Variants in C2CD2 observed in about 807,000 individuals in gnomAD.
C2CD2 encodes the protein C2 domain-containing protein 2.
In C2CD2, 43 loss-of-function variants were observed where a neutral mutation model predicts 74.3. That is an observed-to-expected ratio of 0.58 (90% confidence interval 0.45 to 0.75). The LOEUF (loss-of-function observed/expected upper bound fraction) is 0.75. Ranked by LOEUF, C2CD2 falls within the 30% of genes least tolerant of loss-of-function variation. C2CD2 has a pLI of 0.00. For missense variants in C2CD2, 801 were observed against 916.3 expected (o/e 0.87, Z 1.63); for synonymous variants, 422 against 390.7 (o/e 1.08, Z -0.94).
intron 10 of C2CD2, among the ~76,000 whole-genome samples, chr21:41,906,510 CA>C (rs2064963744): frequency 6.6e-6 from 1 of 152,180 alleles, no homozygotes. Flanking sequence ...GGACTCCACG[CA>C]CGTGCCACCA....
chr21:41,935,125 C>G (rs565107209), intron 2 of C2CD2, among the ~76,000 whole-genome samples: 82 of 152,140 alleles, frequency 5.4e-4, no homozygotes, highest in Non-Finnish European at 6.2e-4. Context: ...CTCCTGACCT[C>G]GTGATCCACC....
chr21:41,900,025 G>A (rs1430880314), intron 12 of C2CD2, among the ~76,000 whole-genome samples: 1 of 152,020 alleles, frequency 6.6e-6, no homozygotes, highest in Non-Finnish European at 1.5e-5. Context: ...GTTTGCTTAG[G>A]GACAACTGTG....
At position 41,926,508 on chromosome 21, in the gene C2CD2, G is replaced by A. The variant is rs910083873; in HGVS notation, c.379-4423C>T. 21 of 684,568 alleles carry A rather than the reference G, an allele frequency of 3.1e-5. No individual in the cohort carries two copies. Among genetic ancestry groups the A allele is most frequent in the Non-Finnish European group, 3.4e-5 (19 of 555,204 alleles). The allele number at this position is 684,568 out of a possible 1,614,324, so 42.4% of individuals were successfully genotyped here. A position where few individuals can be genotyped will look rare whatever the true frequency, so the allele number is the denominator to read the frequency against. ...GCTGAAGAGCAGGCTGAGCGGGGAG[G>A]CCTTCATTCACCTTCTCGGTGCTCT... is the stretch of plus-strand genomic sequence containing the variant. On this transcript the variant is annotated intron_variant, in intron 2 of 13. Coordinates refer to ENST00000380486, the MANE Select transcript of C2CD2 (RefSeq NM_015500.2). This position sits in a 1 kb window ranked among gnomAD's most constrained non-coding sequence, Gnocchi z 8.0.
In C2CD2 at chr21:41,914,667, T is replaced by C; in HGVS notation, c.775A>G (p.Arg259Gly). 1.2e-6 allele frequency: 2 copies of C among 1,613,702 alleles called. No individual in the cohort carries two copies. Among genetic ancestry groups the C allele is most frequent in the Non-Finnish European group, 8.5e-7 (1 of 1,179,640 alleles). Residue 259 changes from arginine to glycine, a missense_variant, in exon 6 of 14, where the codon AGG becomes GGG. Arg to Gly is a moderately radical substitution (Grantham distance 125, BLOSUM62 -2). Transcript: ENST00000380486. ...ACCAGTAGCTTCAGCTCGTGAGCCC[T>C]TGGAGGTTTAGGAGGACAGGATTCC... Reference protein sequence around the residue: ...AQESCPPKPPRAHELKLLVRN... With the variant: ...AQESCPPKPPGAHELKLLVRN...
intron 7 of C2CD2, among the ~76,000 whole-genome samples, chr21:41,910,707 C>T (rs62214751): frequency 0.097 from 14,644 of 151,736 alleles, 875 homozygotes; most frequent in East Asian, 0.26. Context: ...CACACACACA[C>T]GGGAAATTTT....
intron 2 of C2CD2, among the ~76,000 whole-genome samples, chr21:41,936,651 T>C (rs2065309547): frequency 6.6e-6 from 1 of 151,668 alleles, no homozygotes; most frequent in Admixed American, 6.6e-5. Flanking sequence ...ATACATAGAT[T>C]TTTTCCCACC....
chr21:41,899,664 C>T lies in C2CD2; in HGVS notation c.1561-302G>A, dbSNP rs923060074. Among the ~76,000 whole-genome samples the T allele has an allele frequency of 2.0e-4, 31 of 151,950 alleles. No individual in the cohort carries two copies. The highest frequency in any genetic ancestry group is 7.5e-4 in the African/African-American group (31 of 41,364). ...TAGCGGTGGGAGCGTTTGTGGCAAG[C>T]TGCAGAAATGAGATGCGAGAGAGAG... On this transcript the variant is annotated intron_variant, in intron 12 of 13. Transcript: ENST00000380486. The surrounding 1 kb of genome is among the most constrained non-coding windows in gnomAD (Gnocchi z 4.4).
In C2CD2 at chr21:41,953,672, C is replaced by A; in HGVS notation, c.-24G>T. 1 of 1,383,124 alleles carries A rather than the reference C, an allele frequency of 7.2e-7. No homozygotes were observed. The highest frequency in any genetic ancestry group is 3.1e-5 in the East Asian group (1 of 32,336). The allele number at this position is 1,383,124 out of a possible 1,614,324, so 85.7% of individuals were successfully genotyped here. A position where few individuals can be genotyped will look rare whatever the true frequency, so the allele number is the denominator to read the frequency against. ...ATGGCGCATCCCCGGCCCGCCTCGC[C>A]CCAACTTCCCCGGCAGCCCCGGGCC... On this transcript the variant is annotated 5_prime_UTR_variant, in exon 1 of 14. Coordinates refer to ENST00000380486, the MANE Select transcript of C2CD2 (RefSeq NM_015500.2).
Position 41,899,122 on chromosome 21 carries a change from G to A in C2CD2, c.1801C>T (p.Pro601Ser). The part of the protein sequence containing the change: ...AAWSSQVLLD[P>S]DGDELSESSM... Reference sequence around the variant, plus strand: ...CTCTCTGACAGCTCATCACCGTCGGGGTCCAGCAGGACCTGGCTGCTCCAT... The same window carrying A: ...CTCTCTGACAGCTCATCACCGTCGGAGTCCAGCAGGACCTGGCTGCTCCAT... The change falls in exon 13 of 14, where the codon CCC becomes TCC. Residue 601 changes from proline to serine, a missense_variant. Coordinates refer to ENST00000380486, the MANE Select transcript of C2CD2 (RefSeq NM_015500.2). The surrounding 1 kb of genome is among the most constrained non-coding windows in gnomAD (Gnocchi z 4.4). The A allele has an allele frequency of 1.2e-6, 2 of 1,613,928 alleles. No homozygotes were observed. The highest frequency in any genetic ancestry group is 1.7e-6 in the Non-Finnish European group (2 of 1,179,974).
intron 1 of C2CD2, among the ~76,000 whole-genome samples, chr21:41,951,568 A>G (rs945549822): frequency 5.3e-5 from 8 of 152,280 alleles, no homozygotes; most frequent in African/African-American, 1.9e-4. Context: ...AGAAGGCGCA[A>G]ACAAGGTGAG....
rs1260958390 is a variant in C2CD2, at chr21:41,901,710, A to C, written c.1472T>G (p.Val491Gly). Reference protein sequence around the residue: ...VLNGSDPVAEVAIRQLSESSK... With the variant: ...VLNGSDPVAEGAIRQLSESSK... ...AGATTCACTGAGCTGTCGAATGGCC[A>C]CTTCAGCCACTGGATCCGAACCATT... The change falls in exon 12 of 14, where the codon GTG becomes GGG. Residue 491 changes from valine to glycine, a missense_variant. Coordinates refer to ENST00000380486, the MANE Select transcript of C2CD2 (RefSeq NM_015500.2). 6.2e-7 allele frequency: 1 copy of C among 1,613,782 alleles called. No individual in the cohort carries two copies. Among genetic ancestry groups the C allele is most frequent in the Non-Finnish European group, 8.5e-7 (1 of 1,179,764 alleles).
chr21:41,919,847 A>G (rs536370078), intron 3 of C2CD2, among the ~76,000 whole-genome samples: 73 of 152,224 alleles, frequency 4.8e-4, no homozygotes, highest in Non-Finnish European at 9.3e-4. Flanking sequence ...GGCACAGGAG[A>G]CTTGGCAGGT....
Position 41,953,537 on chromosome 21 carries a change from G to C in C2CD2, c.112C>G (p.Leu38Val). 6.8e-7 allele frequency: 1 copy of C among 1,477,542 alleles called. No individual in the cohort carries two copies. The highest frequency in any genetic ancestry group is 8.9e-7 in the Non-Finnish European group (1 of 1,119,932). The allele number at this position is 1,477,542 out of a possible 1,614,324, so 91.5% of individuals were successfully genotyped here. Reference protein sequence around the residue: ...TVGLYLAQWALARARPQPQRR... With the variant: ...TVGLYLAQWAVARARPQPQRR... ...TGGGGCTGGGGTCGCGCCCTGGCCA[G>C]CGCCCACTGCGCCAGGTACAGGCCT... Residue 38 changes from leucine (L) to valine (V), a missense_variant, in exon 1 of 14, where the codon CTG (leucine) becomes GTG (valine). Coordinates refer to ENST00000380486, the MANE Select transcript of C2CD2 (RefSeq NM_015500.2).
At chr21:41,897,926 T>C (rs542521388) in intron 13 of C2CD2, among the ~76,000 whole-genome samples, 1 of 152,302 alleles carries the variant, frequency 6.6e-6, no homozygotes, top group Admixed American at 6.5e-5. Context: ...CTGGCCTCTA[T>C]TCACTAGATG....
intron 2 of C2CD2, among the ~76,000 whole-genome samples, chr21:41,941,263 A>C (rs2065351924): frequency 6.6e-6 from 1 of 152,208 alleles, no homozygotes; most frequent in Admixed American, 6.5e-5. Context: ...CAGGAGGCTA[A>C]GGCAGGAGGA....
At chr21:41,934,352 C>T (rs1179392115) in intron 2 of C2CD2, among the ~76,000 whole-genome samples, 4 of 152,128 alleles carry the variant, frequency 2.6e-5, no homozygotes, top group Non-Finnish European at 4.4e-5. Flanking sequence ...ACTGTTGAGC[C>T]CAGGAGGTGG....
chr21:41,901,556 GGCAGAGGAGCA>G (rs1569059234), intron 12 of C2CD2, 55 bp downstream of exon 12: 2 of 1,562,650 alleles, frequency 1.3e-6, no homozygotes, highest in South Asian at 2.2e-5. Context: ...TTCTTCAAAG[GGCAGAGGAGCA>G]GCAGGTCACT....
At chr21:41,947,739 A>C (rs2146235320) in intron 1 of C2CD2, among the ~76,000 whole-genome samples, 2 of 152,274 alleles carry the variant, frequency 1.3e-5, no homozygotes, top group Middle Eastern at 3.4e-3. Context: ...CACCTCTAGG[A>C]GAGTGGATTT....
rs750937942 is a variant in C2CD2, at chr21:41,907,756, C to T, written c.1047G>A (p.Leu349=). The part of the protein sequence containing the change: ...EGLLATATVP[L]DLFKKQPSGP... ...CAGAAGGCTGCTTCTTAAATAAGTC[C>T]AGAGGAACTGTCGCCGTCGCCAGCA... Residue 349 remains leucine (L), a synonymous_variant, in exon 9 of 14, where the codon CTG becomes CTA. Coordinates refer to ENST00000380486, the MANE Select transcript of C2CD2 (RefSeq NM_015500.2). The T allele has an allele frequency of 1.9e-6, 3 of 1,613,884 alleles. No homozygotes were observed. The highest frequency in any genetic ancestry group is 2.5e-6 in the Non-Finnish European group (3 of 1,179,946).
Sources: gnomAD v4.1 joint callset for allele counts (sites outside exome capture counted in the v4.1 genomes callset) on GRCh38, gnomAD v4.1.1 for gene constraint, Gnocchi (gnomAD v3.1) non-coding constraint, MANE v1.5 for transcripts, NCBI Gene and HGNC (gene_info 2026-07-23, HGNC 2026-07-21) for gene names.